B3GALT5: variants seen among roughly 807,000 people sequenced by gnomAD.
B3GALT5 encodes the protein beta-1,3-galactosyltransferase 5, also known as UDP-Gal:betaGlcNAc beta 1,3-galactosyltransferase, polypeptide 5.
For synonymous variants in B3GALT5, 156 were observed against 158.6 expected (o/e 0.98, Z 0.12); for missense variants, 328 against 396.6 (o/e 0.83, Z 1.47).
chr21:39,629,463 T>C (rs1485738841), intron 1 of B3GALT5, among the ~76,000 whole-genome samples: 1 of 152,238 alleles, frequency 6.6e-6, no homozygotes, highest in Non-Finnish European at 1.5e-5. Context: ...ATCAGTAATA[T>C]TGTTTTAATA....
chr21:39,642,454 C>T (rs545329883), intron 1 of B3GALT5, among the ~76,000 whole-genome samples: 17 of 152,276 alleles, frequency 1.1e-4, no homozygotes, highest in African/African-American at 3.6e-4. Flanking sequence ...GACCCAGGGA[C>T]CTGCATAGAC....
rs2079612420 is a variant in B3GALT5, at chr21:39,669,913, T to G, written c.*8421T>G. 1 of 152,278 alleles carries G rather than the reference T, an allele frequency of 6.6e-6. No homozygotes were observed. The highest frequency in any genetic ancestry group is 1.5e-5 in the Non-Finnish European group (1 of 68,126). The allele number at this position is 152,278 out of a possible 1,614,324, so 9.4% of individuals were successfully genotyped here. On this transcript the variant is annotated 3_prime_UTR_variant, in exon 4 of 4. Transcript: ENST00000684187. ...GTGCCACCTGACCCCTTTTCCTGTC[T>G]TCTGTCACTTTTTTTTTTCCAAGTG...
chr21:39,632,511 G>GT (rs2079198772), intron 1 of B3GALT5, among the ~76,000 whole-genome samples: 1 of 152,212 alleles, frequency 6.6e-6, no homozygotes, highest in Non-Finnish European at 1.5e-5. Flanking sequence ...CGTAATTGAG[G>GT]TAGGGTCTGT....
chr21:39,628,171 T>A (rs908568347), intron 1 of B3GALT5, among the ~76,000 whole-genome samples: 5 of 152,180 alleles, frequency 3.3e-5, no homozygotes, highest in Admixed American at 2.0e-4. Context: ...TTAAAATCGT[T>A]ATTATAAATA....
Position 39,667,986 on chromosome 21 carries a change from G to A in B3GALT5, c.*6494G>A, listed in dbSNP as rs1476991738. The A allele has an allele frequency of 1.3e-5, 2 of 152,388 alleles. No homozygotes were observed. Among genetic ancestry groups the A allele is most frequent in the South Asian group, 4.1e-4 (2 of 4,834 alleles). 9.4% of individuals were successfully genotyped at this position (152,388 alleles called of 1,614,324 possible). A position where few individuals can be genotyped will look rare whatever the true frequency, so the allele number is the denominator to read the frequency against. On this transcript the variant is annotated 3_prime_UTR_variant, in exon 4 of 4. Coordinates refer to ENST00000684187, the MANE Select transcript of B3GALT5 (RefSeq NM_001356336.2). ...ACCTCAGAAGGTTGTCAGAGGTGTG[G>A]AAATTAAGATAATTCACATTGAGTT...
chr21:39,639,481 T>G (rs1211671738), intron 1 of B3GALT5, among the ~76,000 whole-genome samples: 1 of 143,244 alleles, frequency 7.0e-6, no homozygotes, highest in Non-Finnish European at 1.5e-5. Context: ...TCTCTCTCTT[T>G]CTTTCTTTCT....
At chr21:39,620,289 A>T (rs1383840984) in intron 1 of B3GALT5, among the ~76,000 whole-genome samples, 2 of 152,190 alleles carry the variant, frequency 1.3e-5, no homozygotes, top group Non-Finnish European at 2.9e-5. Flanking sequence ...TGTAAACTTG[A>T]CATCTCAGAA....
At chr21:39,624,000 A>G (rs1261434234) in intron 1 of B3GALT5, among the ~76,000 whole-genome samples, 1 of 152,148 alleles carries the variant, frequency 6.6e-6, no homozygotes, top group Non-Finnish European at 1.5e-5. Flanking sequence ...GGAGACAGTT[A>G]TCTCTGGGGA....
chr21:39,639,401 T>TCCGTCC, intron 1 of B3GALT5, among the ~76,000 whole-genome samples: 1 of 32,922 alleles, frequency 3.0e-5, no homozygotes, highest in Non-Finnish European at 5.6e-5. Flanking sequence ...CTTCTTTCTT[T>TCCGTCC]TTCTTTCTTT....
intron 1 of B3GALT5, among the ~76,000 whole-genome samples, chr21:39,634,061 A>G (rs1418919733): frequency 6.6e-6 from 1 of 152,196 alleles, no homozygotes; most frequent in Non-Finnish European, 1.5e-5. Context: ...GACTCAGTAC[A>G]CACATATGAC....
chr21:39,619,839 G>A (rs2079125206), intron 1 of B3GALT5, among the ~76,000 whole-genome samples: 1 of 151,798 alleles, frequency 6.6e-6, no homozygotes, highest in South Asian at 2.1e-4. Flanking sequence ...GCAGAGTCTT[G>A]CTCTGTCACC....
Position 39,671,323 on chromosome 21 carries a change from A to G in B3GALT5, c.*9831A>G, listed in dbSNP as rs2079625942. ...AATTTTCAGCGTTTGTTATATCAGA[A>G]TGGACATTATAGCAATTTCCATGGC... On this transcript the variant is annotated 3_prime_UTR_variant, in exon 4 of 4. Coordinates refer to ENST00000684187, the MANE Select transcript of B3GALT5 (RefSeq NM_001356336.2). 1 of 152,174 alleles carries G rather than the reference A, an allele frequency of 6.6e-6. No homozygotes were observed. The highest frequency in any genetic ancestry group is 2.1e-4 in the South Asian group (1 of 4,822). 9.4% of individuals were successfully genotyped at this position (152,174 alleles called of 1,614,324 possible). A position where few individuals can be genotyped will look rare whatever the true frequency, so the allele number is the denominator to read the frequency against.
intron 2 of B3GALT5, chr21:39,657,942 GT>G: frequency 1.6e-6 from 2 of 1,226,796 alleles, no homozygotes; most frequent in Non-Finnish European, 2.0e-6. Context: ...TCTGTCCCAG[GT>G]AAGGCAGAGC....
chr21:39,643,679 C>A (rs2079311067), intron 1 of B3GALT5, among the ~76,000 whole-genome samples: 1 of 152,178 alleles, frequency 6.6e-6, no homozygotes, highest in Non-Finnish European at 1.5e-5. Context: ...TGAAGCATGC[C>A]ACAGATTGCT....
At chr21:39,613,533 A>G (rs956283253) in intron 1 of B3GALT5, among the ~76,000 whole-genome samples, 3 of 152,242 alleles carry the variant, frequency 2.0e-5, no homozygotes, top group Admixed American at 6.5e-5. Flanking sequence ...ACAGCTTTTC[A>G]TTAAGAGATG....
intron 2 of B3GALT5, among the ~76,000 whole-genome samples, chr21:39,652,239 C>T (rs2079403039): frequency 6.6e-6 from 1 of 152,216 alleles, no homozygotes; most frequent in South Asian, 2.1e-4. Flanking sequence ...CACCTTCGAC[C>T]ACACTTCCCA....
chr21:39,631,197 T>C (rs143578309), intron 1 of B3GALT5, among the ~76,000 whole-genome samples: 2 of 152,238 alleles, frequency 1.3e-5, no homozygotes, highest in Non-Finnish European at 2.9e-5. Context: ...CAAAAACTTA[T>C]GATCTCACAG....
chr21:39,661,638 AT>A lies in B3GALT5; in HGVS notation c.*148del. 1.3e-6 allele frequency: 1 copy of A among 765,282 alleles called. No individual in the cohort carries two copies. Among genetic ancestry groups the A allele is most frequent in the Non-Finnish European group, 1.9e-6 (1 of 515,464 alleles). 47.4% of individuals were successfully genotyped at this position (765,282 alleles called of 1,614,324 possible). A position where few individuals can be genotyped will look rare whatever the true frequency, so the allele number is the denominator to read the frequency against. On this transcript the variant is annotated 3_prime_UTR_variant, in exon 4 of 4. Coordinates refer to ENST00000684187, the MANE Select transcript of B3GALT5 (RefSeq NM_001356336.2). This position sits in a 1 kb window ranked among gnomAD's most constrained non-coding sequence, Gnocchi z 4.7. ...AATGTCGGTGTTCATGAAGTCACTGATTAGTTCCCACTTGGTGCCCCAGGCA... is the reference window on the plus strand; with the variant it reads ...AATGTCGGTGTTCATGAAGTCACTGATAGTTCCCACTTGGTGCCCCAGGCA...
At chr21:39,647,503 G>A (rs974437972) in intron 2 of B3GALT5, among the ~76,000 whole-genome samples, 12 of 151,692 alleles carry the variant, frequency 7.9e-5, no homozygotes, top group African/African-American at 2.9e-4. Flanking sequence ...CATGCCCGGG[G>A]AATTTTTGTA....
Sources: gnomAD v4.1 joint callset for allele counts (sites outside exome capture counted in the v4.1 genomes callset) on GRCh38, gnomAD v4.1.1 for gene constraint, Gnocchi (gnomAD v3.1) non-coding constraint, MANE v1.5 for transcripts, NCBI Gene and HGNC (gene_info 2026-07-23, HGNC 2026-07-21) for gene names.